The following TBC1D2B variants were observed in gnomAD, a reference collection of about 807,000 sequenced individuals.
TBC1D2B encodes the protein TBC1 domain family, member 2B.
TBC1D2B carries 64 observed loss-of-function variants against 100.8 expected under a neutral mutation model. That is an observed-to-expected ratio of 0.64 (90% CI 0.52 to 0.78). The LOEUF (loss-of-function observed/expected upper bound fraction) is 0.78, where lower values mean the gene tolerates loss of function less well. Ranked by LOEUF, TBC1D2B falls within the 30% of genes least tolerant of loss-of-function variation. The probability of loss-of-function intolerance (pLI) is 0.00; values close to 1 mark genes in which losing one functional copy is unlikely to be tolerated. For synonymous variants in TBC1D2B, 480 were observed against 479.7 expected (o/e 1.00, Z -0.01); for missense variants, 1,052 against 1,218.4 (o/e 0.86, Z 2.03).
intron 1 of TBC1D2B, among the ~76,000 whole-genome samples, chr15:78,073,896 G>A (rs1315851341): frequency 6.6e-6 from 1 of 151,520 alleles, no homozygotes; most frequent in Non-Finnish European, 1.5e-5. Context: ...TTGAACCCGG[G>A]AGCCAGAGGT....
At chr15:78,067,377 T>TG (rs1434817556) in intron 1 of TBC1D2B, among the ~76,000 whole-genome samples, 1 of 152,212 alleles carries the variant, frequency 6.6e-6, no homozygotes, top group East Asian at 1.9e-4. Context: ...AGGCAAAGCT[T>TG]GACTCCTGCT....
At chr15:78,074,962 C>T (rs747768826) in intron 1 of TBC1D2B, among the ~76,000 whole-genome samples, 8 of 152,170 alleles carry the variant, frequency 5.3e-5, no homozygotes, top group Non-Finnish European at 7.3e-5. Flanking sequence ...TTCCATACCA[C>T]TATGGAAAAT....
At chr15:78,019,239 TG>T (rs2072453561) in intron 6 of TBC1D2B, among the ~76,000 whole-genome samples, 1 of 152,234 alleles carries the variant, frequency 6.6e-6, no homozygotes, top group South Asian at 2.1e-4. Flanking sequence ...GCACTTGCGA[TG>T]GGTTACAGGT....
Position 78,077,686 on chromosome 15 carries a change from C to G in TBC1D2B, c.-34G>C, listed in dbSNP as rs1173074540. The G allele has an allele frequency of 2.0e-6, 2 of 986,302 alleles. No individual in the cohort carries two copies. The highest frequency in any genetic ancestry group is 4.5e-5 in the South Asian group (1 of 22,072). The allele number at this position is 986,302 out of a possible 1,614,324, so 61.1% of individuals were successfully genotyped here. A position where few individuals can be genotyped will look rare whatever the true frequency, so the allele number is the denominator to read the frequency against. ...CGCGCCAACCGTAGGCGCCCGCGCC[C>G]TGCGCCTCCGCGCCGCGGCCGCTGC... On this transcript the variant is annotated 5_prime_UTR_variant, in exon 1 of 13. Coordinates refer to ENST00000300584, the MANE Select transcript of TBC1D2B (RefSeq NM_144572.2).
Position 77,997,250 on chromosome 15 carries a change from A to C in TBC1D2B, c.*910T>G, listed in dbSNP as rs2071788157. 1 of 152,272 alleles carries C rather than the reference A, an allele frequency of 6.6e-6. No homozygotes were observed. The highest frequency in any genetic ancestry group is 1.5e-5 in the Non-Finnish European group (1 of 68,074). 9.4% of individuals were successfully genotyped at this position (152,272 alleles called of 1,614,324 possible). ...CACTGCCCTGCAAAGCACCCCCGAA[A>C]ACATTCCTCCATCCCCTCAACCAAG... On this transcript the variant is annotated 3_prime_UTR_variant, in exon 13 of 13. Coordinates refer to ENST00000300584, the MANE Select transcript of TBC1D2B (RefSeq NM_144572.2).
At chr15:78,077,218 G>A (rs1261289556) in intron 1 of TBC1D2B, 75 bp downstream of exon 1, 5 of 1,390,390 alleles carry the variant, frequency 3.6e-6, no homozygotes, top group Middle Eastern at 2.6e-4. Context: ...AAGGAGGGTG[G>A]ATGGCGCAAG....
intron 1 of TBC1D2B, among the ~76,000 whole-genome samples, chr15:78,074,080 G>C (rs2073786314): frequency 6.6e-6 from 1 of 151,640 alleles, no homozygotes; most frequent in Non-Finnish European, 1.5e-5. Flanking sequence ...CTGGAGTGCA[G>C]TGGTGTGATC....
chr15:78,051,625 C>T (rs2073315732), intron 2 of TBC1D2B, among the ~76,000 whole-genome samples: 1 of 152,176 alleles, frequency 6.6e-6, no homozygotes. Context: ...TCAAAATGTT[C>T]CAAACAACTG....
intron 9 of TBC1D2B, among the ~76,000 whole-genome samples, chr15:78,009,838 G>C (rs183075908): frequency 6.6e-6 from 1 of 151,700 alleles, no homozygotes; most frequent in Non-Finnish European, 1.5e-5. Context: ...AGCCAGGCGC[G>C]GTGGCGGGCG....
intron 4 of TBC1D2B, among the ~76,000 whole-genome samples, chr15:78,025,822 G>A (rs534149218): frequency 7.9e-5 from 12 of 151,988 alleles, no homozygotes; most frequent in African/African-American, 1.2e-4. Context: ...CACCGTGCCC[G>A]GCCAAAACTT....
rs1200265713 is a variant in TBC1D2B, at chr15:77,996,504, A to C, written c.*1656T>G. Reference sequence around the variant, plus strand: ...GGACAACTGAAGGAGTCAGACCTCAAACTGCTGCTCTCAAAGACAAAGACA... The same window carrying C: ...GGACAACTGAAGGAGTCAGACCTCACACTGCTGCTCTCAAAGACAAAGACA... On this transcript the variant is annotated 3_prime_UTR_variant, in exon 13 of 13. Transcript: ENST00000300584. 3 of 152,338 alleles carry C rather than the reference A, an allele frequency of 2.0e-5. No individual in the cohort carries two copies. The highest frequency in any genetic ancestry group is 4.4e-5 in the Non-Finnish European group (3 of 68,032). 9.4% of individuals were successfully genotyped at this position (152,338 alleles called of 1,614,324 possible). A position where few individuals can be genotyped will look rare whatever the true frequency, so the allele number is the denominator to read the frequency against.
At position 78,055,791 on chromosome 15, in the gene TBC1D2B, G is replaced by C. The variant is rs1043171397; in HGVS notation, c.361-1604C>G. 2.6e-5 allele frequency among the ~76,000 whole-genome samples: 4 copies of C among 152,326 alleles called. No homozygotes were observed. In the East Asian group the frequency reaches 7.7e-4, roughly 29 times the overall value. Reference sequence around the variant, plus strand: ...TCCATTCATTTAACCAACATTTGCTGAGCACCTATCAGGTACCCAGACCTG... The same window carrying C: ...TCCATTCATTTAACCAACATTTGCTCAGCACCTATCAGGTACCCAGACCTG... On this transcript the variant is annotated intron_variant, in intron 1 of 12. Coordinates refer to ENST00000300584, the MANE Select transcript of TBC1D2B (RefSeq NM_144572.2).
intron 1 of TBC1D2B, among the ~76,000 whole-genome samples, chr15:78,073,916 C>T (rs1319785131): frequency 6.7e-6 from 1 of 150,186 alleles, no homozygotes; most frequent in African/African-American, 2.4e-5. Context: ...TTGCAGTTAG[C>T]AGAGACTGTG....
chr15:78,064,658 G>A (rs1229534393), intron 1 of TBC1D2B, among the ~76,000 whole-genome samples: 3 of 152,010 alleles, frequency 2.0e-5, no homozygotes, highest in Admixed American at 2.0e-4. Context: ...CTCTAACCCC[G>A]AATCTGATAA....
intron 6 of TBC1D2B, among the ~76,000 whole-genome samples, chr15:78,020,949 G>A (rs778249698): frequency 1.3e-5 from 2 of 152,168 alleles, no homozygotes; most frequent in South Asian, 2.1e-4. Context: ...CACTGAAATC[G>A]CTAATGAAAG....
intron 10 of TBC1D2B, among the ~76,000 whole-genome samples, chr15:78,006,369 T>A (rs1010490498): frequency 1.3e-5 from 2 of 152,208 alleles, no homozygotes; most frequent in African/African-American, 4.8e-5. Context: ...GCTGTTCATT[T>A]CCTACACACC....
chr15:78,025,440 C>A lies in TBC1D2B; in HGVS notation c.905G>T (p.Arg302Leu). ...CGACCCAATTATGTCTTTCAAAGGG[C>A]GCTTTCCTTTGTAGGGGTTACGTCC... ...DFGRNPYKGKRPLKDIIGSYK... is the reference protein window; with the variant it reads ...DFGRNPYKGKLPLKDIIGSYK... The change falls in exon 5 of 13, where the codon CGC (arginine) becomes CTC (leucine). Residue 302 changes from arginine to leucine, a missense_variant. Physicochemically the swap from Arg to Leu is moderately radical, Grantham distance 102 (BLOSUM62 -2). Around this residue, in one of 4 missense-constraint regions of TBC1D2B, gnomAD observed 627 missense variants for 646.1 expected, o/e 0.97. Coordinates refer to ENST00000300584, the MANE Select transcript of TBC1D2B (RefSeq NM_144572.2). The A allele has an allele frequency of 6.2e-7, 1 of 1,613,910 alleles. No homozygotes were observed. The highest frequency in any genetic ancestry group is 8.5e-7 in the Non-Finnish European group (1 of 1,179,876).
intron 1 of TBC1D2B, among the ~76,000 whole-genome samples, chr15:78,072,822 T>A (rs931754056): frequency 5.9e-5 from 9 of 152,088 alleles, no homozygotes; most frequent in African/African-American, 1.9e-4. Context: ...GTGAGAAGCC[T>A]CCAGCACCCC....
chr15:78,048,176 G>A (rs2073237814), intron 2 of TBC1D2B, among the ~76,000 whole-genome samples: 1 of 152,202 alleles, frequency 6.6e-6, no homozygotes, highest in Non-Finnish European at 1.5e-5. Flanking sequence ...GGAGAAAAGG[G>A]ACCAGAGACC....
Sources: gnomAD v4.1 joint callset for allele counts (sites outside exome capture counted in the v4.1 genomes callset) on GRCh38, gnomAD v4.1.1 for gene constraint, gnomAD v4.1.1 regional missense constraint, MANE v1.5 for transcripts, NCBI Gene and HGNC (gene_info 2026-07-23, HGNC 2026-07-21) for gene names.